NOL4L: variants seen among roughly 807,000 people sequenced by gnomAD.
NOL4L encodes nucleolar protein 4 like.
Under a neutral mutation model 64.5 loss-of-function variants are expected in NOL4L, and 7 were observed. The observed-to-expected ratio is 0.11, with a 90% CI of 0.06 to 0.20. The LOEUF (loss-of-function observed/expected upper bound fraction) is 0.20, where lower values mean the gene tolerates loss of function less well. Among genes scored for constraint, NOL4L ranks in the 10% least tolerant of loss-of-function variants. The pLI is 1.00. For synonymous variants in NOL4L, 413 were observed against 401.0 expected (o/e 1.03, Z -0.36); for missense variants, 680 against 967.1 (o/e 0.70, Z 3.94).
chr20:32,520,779 G>T, intron 3 of NOL4L, 32 bp downstream of exon 3: 1 of 1,386,506 alleles, frequency 7.2e-7, no homozygotes, highest in Non-Finnish European at 1.0e-6. Context: ...GATGGCCCCC[G>T]CCCTAGCCCT....
intron 9 of NOL4L, 48 bp downstream of exon 9, chr20:32,452,835 TC>T: frequency 6.2e-7 from 1 of 1,608,360 alleles, no homozygotes. Flanking sequence ...AGGCCTGCCC[TC>T]CCTGGCTGCC....
chr20:32,488,827 T>TTCTCTTTCTTTC lies in NOL4L; in HGVS notation c.700-14086_700-14085insGAAAGAAAGAGA, dbSNP rs11483298. 1.7e-3 allele frequency among the ~76,000 whole-genome samples: 58 copies of TTCTCTTTCTTTC among 33,150 alleles called. 3 individuals are homozygous for TTCTCTTTCTTTC. Among genetic ancestry groups the TTCTCTTTCTTTC allele is most frequent in the South Asian group, 0.011 (14 of 1,230 alleles). The allele number at this position is 33,150 out of a possible 152,430, so 21.7% of individuals were successfully genotyped here. A position where few individuals can be genotyped will look rare whatever the true frequency, so the allele number is the denominator to read the frequency against. ...TCTTTTTCTTTCTTTCTTTCTTTCT[T>TTCTCTTTCTTTC]TTTCTTTCTTTCTTTCTTTCTTTCT... On this transcript the variant is annotated intron_variant, in intron 4 of 10. Transcript: ENST00000621426.
intron 4 of NOL4L, among the ~76,000 whole-genome samples, chr20:32,482,233 C>A (rs879687443): frequency 4.1e-5 from 6 of 147,736 alleles, no homozygotes; most frequent in Non-Finnish European, 7.5e-5. Context: ...TTCACACTTT[C>A]TTTTTGTGCT....
intron 5 of NOL4L, among the ~76,000 whole-genome samples, chr20:32,467,164 C>T (rs1333934522): frequency 2.0e-5 from 3 of 152,194 alleles, no homozygotes; most frequent in Non-Finnish European, 2.9e-5. Flanking sequence ...CCATGGCACC[C>T]TGAGTACCAG....
intron 3 of NOL4L, among the ~76,000 whole-genome samples, chr20:32,518,192 T>C (rs1288749481): frequency 2.0e-5 from 3 of 152,190 alleles, no homozygotes; most frequent in Non-Finnish European, 2.9e-5. Flanking sequence ...GGGACAGAGA[T>C]GGCATTGTGT....
At chr20:32,510,839 T>G (rs532151764) in intron 4 of NOL4L, among the ~76,000 whole-genome samples, 5 of 152,100 alleles carry the variant, frequency 3.3e-5, no homozygotes, top group Non-Finnish European at 5.9e-5. Flanking sequence ...CCTGTTTCCA[T>G]GGTGTCTCAC....
intron 1 of NOL4L, chr20:32,548,981 A>G (rs2018765919): frequency 4.4e-6 from 1 of 228,302 alleles, no homozygotes; most frequent in African/African-American, 2.4e-5. Flanking sequence ...CAACCTGAAG[A>G]ATGTAAGAGC....
intron 4 of NOL4L, among the ~76,000 whole-genome samples, chr20:32,508,460 G>A (rs753220480): frequency 6.6e-6 from 1 of 152,252 alleles, no homozygotes; most frequent in Admixed American, 6.5e-5. Flanking sequence ...CTGCCTAAGA[G>A]GCTGAGGCCT....
rs1568697398 is a variant in NOL4L at position 32,535,789 on chromosome 20, A to AAAGGGGCACT, written c.322-7877_322-7876insAGTGCCCCTT. ...AAGGAATGGGAAGAGAAAGGGGCAC[A>AAAGGGGCACT]GTGGGCCACAGTGCCCCCCAGTTAG... On this transcript the variant is annotated intron_variant, in intron 1 of 10. Transcript: ENST00000621426. 8.1e-6 allele frequency: 8 copies of AAAGGGGCACT among 985,220 alleles called. No individual in the cohort carries two copies. In the East Asian group the frequency reaches 9.1e-4, roughly 112 times the overall value. 61.0% of individuals were successfully genotyped at this position (985,220 alleles called of 1,614,324 possible). A position where few individuals can be genotyped will look rare whatever the true frequency, so the allele number is the denominator to read the frequency against.
chr20:32,512,659 A>G (rs2017460628), intron 3 of NOL4L, among the ~76,000 whole-genome samples: 1 of 152,218 alleles, frequency 6.6e-6, no homozygotes. Context: ...ATGATCTCAT[A>G]ATGCATACAG....
intron 10 of NOL4L, among the ~76,000 whole-genome samples, chr20:32,449,153 C>A (rs868424179): frequency 1.3e-5 from 2 of 152,210 alleles, no homozygotes; most frequent in Non-Finnish European, 1.5e-5. Context: ...AGAATCTGGG[C>A]AGGTGCAGGC....
rs1027531207 is a variant in NOL4L, at chr20:32,453,056, G to A, written c.1498-50C>T. The A allele has an allele frequency of 6.2e-7, 1 of 1,605,892 alleles. No homozygotes were observed. Among genetic ancestry groups the A allele is most frequent in the African/African-American group, 1.3e-5 (1 of 74,864 alleles). On this transcript the variant is annotated intron_variant, in intron 8 of 10. Transcript: ENST00000621426. This position sits in a 1 kb window ranked among gnomAD's most constrained non-coding sequence, Gnocchi z 5.6. ...TAGCATGGGGCCCGTGGGGGCCCTG[G>A]GCTTGTGCAGAGACCCTGCCCCAGG... is the stretch of plus-strand genomic sequence containing the variant.
At chr20:32,523,295 G>A (rs1199193985) in intron 2 of NOL4L, among the ~76,000 whole-genome samples, 1 of 152,212 alleles carries the variant, frequency 6.6e-6, no homozygotes, top group African/African-American at 2.4e-5. Context: ...CACAAGGCTG[G>A]ATTGTCTGCA....
intron 4 of NOL4L, among the ~76,000 whole-genome samples, chr20:32,501,241 A>C (rs115823680): frequency 0.012 from 1,753 of 152,318 alleles, 42 homozygotes; most frequent in African/African-American, 0.04. Context: ...TCTTCCTCCT[A>C]ATAACCCATA....
chr20:32,485,232 C>T (rs1282966952), intron 4 of NOL4L, among the ~76,000 whole-genome samples: 1 of 152,058 alleles, frequency 6.6e-6, no homozygotes, highest in African/African-American at 2.4e-5. Flanking sequence ...ACAGCCACAG[C>T]GATTGTTTGC....
Position 32,474,629 on chromosome 20 carries a change from G to A in NOL4L, c.813C>T (p.Ser271=). The A allele has an allele frequency of 6.2e-7, 1 of 1,613,260 alleles. No homozygotes were observed. Among genetic ancestry groups the A allele is most frequent in the East Asian group, 2.2e-5 (1 of 44,890 alleles). Residue 271 remains serine, a synonymous_variant, in exon 5 of 11, where the codon AGC becomes AGT. Transcript: ENST00000621426. ...LSPSQDERMR[S]PQNLHSQEDD... ...CCTCTTGACTGTGGAGGTTCTGCGGGCTCCGCATCCTCTCGTCCTGGCTGG... is the reference window on the plus strand; with the variant it reads ...CCTCTTGACTGTGGAGGTTCTGCGGACTCCGCATCCTCTCGTCCTGGCTGG...
intron 1 of NOL4L, among the ~76,000 whole-genome samples, chr20:32,571,208 G>T (rs1380234569): frequency 6.6e-6 from 1 of 152,146 alleles, no homozygotes; most frequent in Non-Finnish European, 1.5e-5. Context: ...GTTTGTTTTA[G>T]TTGGAGTCTC....
chr20:32,483,266 G>T, intron 4 of NOL4L: 1 of 724,458 alleles, frequency 1.4e-6, no homozygotes, highest in Non-Finnish European at 1.7e-6. Flanking sequence ...CCCCCTAACC[G>T]CAGCTCAACG....
intron 3 of NOL4L, among the ~76,000 whole-genome samples, chr20:32,512,190 A>T (rs541265225): frequency 1.3e-5 from 2 of 152,100 alleles, no homozygotes; most frequent in East Asian, 3.9e-4. Context: ...TGTGGCTCCC[A>T]TTTTGCCACA....
Sources: gnomAD v4.1 joint callset for allele counts (sites outside exome capture counted in the v4.1 genomes callset) on GRCh38, gnomAD v4.1.1 for gene constraint, Gnocchi (gnomAD v3.1) non-coding constraint, MANE v1.5 for transcripts, NCBI Gene and HGNC (gene_info 2026-07-23, HGNC 2026-07-21) for gene names.